Variants in CLN6 observed in about 807,000 individuals in gnomAD.
CLN6 encodes the protein CLN6 transmembrane ER protein.
CLN6 carries 22 observed loss-of-function variants against 33.3 expected under a neutral mutation model. The observed-to-expected ratio is 0.66, with a 90% confidence interval of 0.47 to 0.94. CLN6 has a LOEUF of 0.94. CLN6 is among the 40% of genes least tolerant of loss of function. The pLI, the probability that CLN6 is intolerant of heterozygous loss-of-function variation, is 0.00. For synonymous variants in CLN6, 201 were observed against 174.6 expected (o/e 1.15, Z -1.19); for missense variants, 387 against 417.1 (o/e 0.93, Z 0.63).
intron 1 of CLN6, among the ~76,000 whole-genome samples, chr15:68,221,271 G>C (rs2093235134): frequency 7.9e-6 from 1 of 125,926 alleles, no homozygotes. Context: ...TCCCTCTGTT[G>C]CTGAGGCTGG....
chr15:68,211,484 G>T lies in CLN6; in HGVS notation c.487-166C>A. ...GCCTTCTGTTACAGGGGCCCAGGTGGGAGGCAGTCTGTGCACCACTTCCTA... is the reference window on the plus strand; with the variant it reads ...GCCTTCTGTTACAGGGGCCCAGGTGTGAGGCAGTCTGTGCACCACTTCCTA... On this transcript the variant is annotated intron_variant, in intron 4 of 6. Coordinates refer to ENST00000249806, the MANE Select transcript of CLN6 (RefSeq NM_017882.3). This position sits in a 1 kb window ranked among gnomAD's most constrained non-coding sequence, Gnocchi z 5.9. The T allele has an allele frequency of 6.4e-7, 1 of 1,555,394 alleles. No homozygotes were observed.
At chr15:68,237,049 C>T (rs182844035) in intron 1 of CLN6, among the ~76,000 whole-genome samples, 3,133 of 147,356 alleles carry the variant, frequency 0.021, 116 homozygotes, top group African/African-American at 0.073. Context: ...CCCAGCTACT[C>T]GGGAGGCTGA....
At position 68,246,129 on chromosome 15, in the gene CLN6, A is replaced by G. The variant is rs1161386763; in HGVS notation, c.179+10561T>C. Among the ~76,000 whole-genome samples the G allele has an allele frequency of 1.3e-5, 2 of 152,198 alleles. No homozygotes were observed. Among genetic ancestry groups the G allele is most frequent in the Admixed American group, 6.5e-5 (1 of 15,280 alleles). ...TAATACAATACAGTAGGGGACTTCAACACCCCACTTTTCAGTAATAAACAG... is the reference window on the plus strand; with the variant it reads ...TAATACAATACAGTAGGGGACTTCAGCACCCCACTTTTCAGTAATAAACAG... On this transcript the variant is annotated intron_variant, in intron 1 of 6. Transcript: ENST00000538696. This position sits in a 1 kb window ranked among gnomAD's most constrained non-coding sequence, Gnocchi z 4.5.
chr15:68,224,029 A>G (rs112820819), intron 1 of CLN6, among the ~76,000 whole-genome samples: 10,201 of 151,424 alleles, frequency 0.067, 944 homozygotes, highest in African/African-American at 0.21. Flanking sequence ...CTGGGCAGTA[A>G]GAGTGAAACT....
upstream of CLN6, among the ~76,000 whole-genome samples, chr15:68,233,127 C>T (rs2093270541): frequency 6.6e-6 from 1 of 152,170 alleles, no homozygotes; most frequent in East Asian, 1.9e-4. The surrounding 1 kb of genome is among the most constrained non-coding windows in gnomAD (Gnocchi z 4.3). Flanking sequence ...GCAGTGCACT[C>T]TCTTGTGTGC....
At chr15:68,233,503 C>T (rs980536064), upstream of CLN6, among the ~76,000 whole-genome samples, 6 of 152,190 alleles carry the variant, frequency 3.9e-5, no homozygotes, top group Admixed American at 6.5e-5. The surrounding 1 kb of genome is among the most constrained non-coding windows in gnomAD (Gnocchi z 4.3). Context: ...CCAAGCCAGG[C>T]CAGAATCCAG....
At chr15:68,218,438 TA>T in intron 2 of CLN6, 97 bp downstream of exon 2, 1 of 876,950 alleles carries the variant, frequency 1.1e-6, no homozygotes, top group Non-Finnish European at 1.9e-6. Context: ...TACTAGGAGA[TA>T]AAGGAGAAGT....
rs59823320 is a variant in CLN6, at chr15:68,235,587, AAT to A, written c.180-16939_180-16938del. On this transcript the variant is annotated intron_variant, in intron 1 of 6. Transcript: ENST00000538696. ...TGTGTCTAAAAAAAAAATAAAAATA[AAT>A]ATATATATATATATATATATATATA... Among the ~76,000 whole-genome samples the A allele has an allele frequency of 2.6e-3, 244 of 94,896 alleles. 2 individuals carry two copies. The highest frequency in any genetic ancestry group is 0.011 in the African/African-American group (230 of 21,524). 62.3% of individuals were successfully genotyped at this position (94,896 alleles called of 152,430 possible). A position where few individuals can be genotyped will look rare whatever the true frequency, so the allele number is the denominator to read the frequency against.
chr15:68,238,210 C>T (rs1450592831), intron 1 of CLN6, among the ~76,000 whole-genome samples: 1 of 151,454 alleles, frequency 6.6e-6, no homozygotes, highest in East Asian at 1.9e-4. Context: ...TTGAGACCAT[C>T]CTGGGCAACA....
Position 68,209,672 on chromosome 15 carries a change from G to A in CLN6, c.630C>T (p.Ala210=). The change falls in exon 6 of 7, where the codon GCC becomes GCT. Residue 210 remains alanine (A), a synonymous_variant. Coordinates refer to ENST00000249806, the MANE Select transcript of CLN6 (RefSeq NM_017882.3). The surrounding 1 kb of genome is among the most constrained non-coding windows in gnomAD (Gnocchi z 4.9). ...SKAESLIPGP[A]LLLVAPSGLY... The stretch of plus-strand genomic sequence containing the variant: ...GGCCACTGGGTGCCACCAGGAGCAG[G>A]GCAGGCCCTGGAATCAAGCTCTCAG... 1 of 1,613,586 alleles carries A rather than the reference G, an allele frequency of 6.2e-7. No individual in the cohort carries two copies. Among genetic ancestry groups the A allele is most frequent in the South Asian group, 1.1e-5 (1 of 91,046 alleles).
Position 68,256,427 on chromosome 15 carries a change from T to C in CLN6, c.179+263A>G, listed in dbSNP as rs1019711632. ...CCCGGCCATTTTTCCCTTTTTTAAA[T>C]GTGGTTACTAGAAAATGTAAAATTA... On this transcript the variant is annotated intron_variant, in intron 1 of 6. Transcript: ENST00000538696. This position sits in a 1 kb window ranked among gnomAD's most constrained non-coding sequence, Gnocchi z 4.1. 2.0e-5 allele frequency among the ~76,000 whole-genome samples: 3 copies of C among 152,200 alleles called. No homozygotes were observed. Among genetic ancestry groups the C allele is most frequent in the Admixed American group, 6.5e-5 (1 of 15,274 alleles).
chr15:68,211,651 G>T lies in CLN6; in HGVS notation c.486+24C>A. 1 of 1,612,508 alleles carries T rather than the reference G, an allele frequency of 6.2e-7. No homozygotes were observed. Among genetic ancestry groups the T allele is most frequent in the Non-Finnish European group, 8.5e-7 (1 of 1,179,980 alleles). ...CAGACTGTGCTCCTAGGGCTTACAGGCAGGGAGCAGGAGGTGGCCTCACCA... is the reference window on the plus strand; with the variant it reads ...CAGACTGTGCTCCTAGGGCTTACAGTCAGGGAGCAGGAGGTGGCCTCACCA... On this transcript the variant is annotated intron_variant, in intron 4 of 6. Transcript: ENST00000249806. This position sits in a 1 kb window ranked among gnomAD's most constrained non-coding sequence, Gnocchi z 5.9.
At chr15:68,222,562 G>A (rs562670506) in intron 1 of CLN6, among the ~76,000 whole-genome samples, 73 of 151,744 alleles carry the variant, frequency 4.8e-4, no homozygotes, top group African/African-American at 1.6e-3. Context: ...CAGCCGCCCC[G>A]TCTGGGAAGT....
Position 68,229,678 on chromosome 15 carries a change from G to C in CLN6, c.-94C>G, listed in dbSNP as rs1160078533. 1 of 987,040 alleles carries C rather than the reference G, an allele frequency of 1.0e-6. No homozygotes were observed. Among genetic ancestry groups the C allele is most frequent in the Non-Finnish European group, 1.3e-6 (1 of 741,356 alleles). 61.1% of individuals were successfully genotyped at this position (987,040 alleles called of 1,614,324 possible). On this transcript the variant is annotated 5_prime_UTR_variant, in exon 1 of 7. Coordinates refer to ENST00000249806, the MANE Select transcript of CLN6 (RefSeq NM_017882.3). ...GGAGGCCGCCGCAAATTCCCAGCGC[G>C]GGGCGGTTCGGGGCGGGCCGGCGAG...
chr15:68,238,761 C>T (rs1892251683), intron 1 of CLN6, among the ~76,000 whole-genome samples: 1 of 152,026 alleles, frequency 6.6e-6, no homozygotes, highest in African/African-American at 2.4e-5. Flanking sequence ...GGAAAATGAT[C>T]GCAGAAGAAG....
At chr15:68,251,471 T>A (rs1595832351) in intron 1 of CLN6, among the ~76,000 whole-genome samples, 1 of 151,772 alleles carries the variant, frequency 6.6e-6, no homozygotes, top group African/African-American at 2.4e-5. Context: ...GCTCAGGAGG[T>A]CGAGACCAGG....
At chr15:68,231,293 A>G (rs1431143104), upstream of CLN6, among the ~76,000 whole-genome samples, 1 of 151,082 alleles carries the variant, frequency 6.6e-6, no homozygotes, top group Admixed American at 6.6e-5. Context: ...TGAAGAACAC[A>G]TTTGCTTTAA....
In CLN6 at chr15:68,220,073, T is replaced by C. The variant is rs888068326; in HGVS notation, c.84-1423A>G. Among the ~76,000 whole-genome samples, 11 of 152,212 alleles carry C rather than the reference T, an allele frequency of 7.2e-5. No individual in the cohort carries two copies. The highest frequency in any genetic ancestry group is 1.6e-4 in the Non-Finnish European group (11 of 68,034). On this transcript the variant is annotated intron_variant, in intron 1 of 6. Coordinates refer to ENST00000249806, the MANE Select transcript of CLN6 (RefSeq NM_017882.3). This position sits in a 1 kb window ranked among gnomAD's most constrained non-coding sequence, Gnocchi z 4.2. Reference sequence around the variant, plus strand: ...TTTTCTGAGATCCCTTCCTGCCAGTTCCAAGGATGATCCATACTGGCTGGT... The same window carrying C: ...TTTTCTGAGATCCCTTCCTGCCAGTCCCAAGGATGATCCATACTGGCTGGT...
chr15:68,224,002 C>T (rs1020261544), intron 1 of CLN6, among the ~76,000 whole-genome samples: 1 of 151,674 alleles, frequency 6.6e-6, no homozygotes, highest in African/African-American at 2.4e-5. Flanking sequence ...GCCAGGATCA[C>T]GCCATTGCAC....
Sources: gnomAD v4.1 joint callset for allele counts (sites outside exome capture counted in the v4.1 genomes callset) on GRCh38, gnomAD v4.1.1 for gene constraint, Gnocchi (gnomAD v3.1) non-coding constraint, MANE v1.5 for transcripts, NCBI Gene and HGNC (gene_info 2026-07-23, HGNC 2026-07-21) for gene names.